Variants in CTNNA3 observed in about 807,000 individuals in gnomAD.
CTNNA3 encodes catenin alpha-3.
CTNNA3 carries 76 observed loss-of-function variants against 95.7 expected under a neutral mutation model. That is an observed-to-expected ratio of 0.79 (90% confidence interval 0.66 to 0.96). CTNNA3 has a LOEUF of 0.96. Among genes scored for constraint, CTNNA3 ranks in the 40% least tolerant of loss-of-function variants. CTNNA3 has a pLI of 0.00. For synonymous variants in CTNNA3, 431 were observed against 374.4 expected (o/e 1.15, Z -1.74); for missense variants, 1,191 against 1,089.8 (o/e 1.09, Z -1.31).
At chr10:66,033,068 T>G (rs2079481034) in intron 15 of CTNNA3, among the ~76,000 whole-genome samples, 1 of 152,150 alleles carries the variant, frequency 6.6e-6, no homozygotes, top group African/African-American at 2.4e-5. Context: ...TAGGCCTAGT[T>G]CAAGTGCTCC....
chr10:67,354,952 A>G (rs1381505911), intron 5 of CTNNA3, among the ~76,000 whole-genome samples: 2 of 151,996 alleles, frequency 1.3e-5, no homozygotes, highest in African/African-American at 2.4e-5. Context: ...TGTAGGTGAT[A>G]ATGCAAGACC....
chr10:67,757,987 C>T (rs1416465028), intron 1 of CTNNA3, among the ~76,000 whole-genome samples: 1 of 152,098 alleles, frequency 6.6e-6, no homozygotes, highest in Non-Finnish European at 1.5e-5. Flanking sequence ...CATCAGTAGA[C>T]TGAGTAAAGA....
chr10:66,309,829 G>A (rs2132255216), intron 12 of CTNNA3, among the ~76,000 whole-genome samples: 1 of 151,118 alleles, frequency 6.6e-6, no homozygotes, highest in African/African-American at 2.4e-5. Context: ...GGAGGCCAAG[G>A]TGGGCGGATC....
chr10:67,743,617 C>T (rs1841356327), intron 1 of CTNNA3, among the ~76,000 whole-genome samples: 1 of 151,312 alleles, frequency 6.6e-6, no homozygotes, highest in African/African-American at 2.4e-5. Context: ...TCTCTCACTA[C>T]TCCTATTCAA....
intron 7 of CTNNA3, among the ~76,000 whole-genome samples, chr10:66,818,785 A>G (rs2132284925): frequency 6.6e-6 from 1 of 152,068 alleles, no homozygotes; most frequent in South Asian, 2.1e-4. Context: ...AAAGCAAGGG[A>G]CTCGGAATAC....
chr10:65,971,879 T>G (rs939976144), intron 16 of CTNNA3, among the ~76,000 whole-genome samples: 3 of 152,200 alleles, frequency 2.0e-5, no homozygotes, highest in South Asian at 2.1e-4. Context: ...GATACCAATA[T>G]CTCTGATAAA....
chr10:66,543,672 T>G (rs1841937731), intron 10 of CTNNA3, among the ~76,000 whole-genome samples: 1 of 151,396 alleles, frequency 6.6e-6, no homozygotes, highest in Non-Finnish European at 1.5e-5. Context: ...GTAGAAAAAA[T>G]GAAGCTCTCT....
chr10:66,467,531 C>T (rs77194014), intron 11 of CTNNA3, among the ~76,000 whole-genome samples: 9,359 of 152,018 alleles, frequency 0.062, 604 homozygotes, highest in African/African-American at 0.16. Flanking sequence ...GGTTTAAGAA[C>T]GGGCAAGTGC....
chr10:66,771,135 C>G (rs1202593903), intron 8 of CTNNA3, among the ~76,000 whole-genome samples: 1 of 152,102 alleles, frequency 6.6e-6, no homozygotes, highest in African/African-American at 2.4e-5. Context: ...TTCAGAAACT[C>G]AGCAACTAAA....
chr10:66,762,631 C>G (rs1312486144), intron 9 of CTNNA3, among the ~76,000 whole-genome samples: 1 of 151,658 alleles, frequency 6.6e-6, no homozygotes, highest in Non-Finnish European at 1.5e-5. Context: ...ATGTTCAGAC[C>G]AAATTCTTCG....
intron 1 of CTNNA3, among the ~76,000 whole-genome samples, chr10:67,692,113 A>G (rs1589570523): frequency 1.6e-5 from 2 of 128,802 alleles, no homozygotes; most frequent in Non-Finnish European, 1.6e-5. Flanking sequence ...TCCGGGAGGG[A>G]GGTGGGGGGT....
At chr10:67,725,850 G>A (rs1043857592) in intron 1 of CTNNA3, among the ~76,000 whole-genome samples, 4 of 147,086 alleles carry the variant, frequency 2.7e-5, no homozygotes, top group East Asian at 2.0e-4. Context: ...TTGTAAATAC[G>A]TAAGGTGTAC....
intron 7 of CTNNA3, chr10:67,097,764 C>A: frequency 6.2e-7 from 1 of 1,612,302 alleles, no homozygotes; most frequent in Non-Finnish European, 8.5e-7. Context: ...AACAGCTGGC[C>A]GAATCAGTGA....
chr10:66,054,699 T>C (rs2080039107), intron 15 of CTNNA3, among the ~76,000 whole-genome samples: 1 of 152,154 alleles, frequency 6.6e-6, no homozygotes, highest in Non-Finnish European at 1.5e-5. Context: ...ATGATTTCCT[T>C]TGCTGTGCAG....
intron 7 of CTNNA3, among the ~76,000 whole-genome samples, chr10:66,779,243 A>G (rs1344068095): frequency 6.6e-6 from 1 of 152,132 alleles, no homozygotes; most frequent in East Asian, 1.9e-4. Context: ...TATTCTCTGC[A>G]ATATGATTAC....
chr10:65,954,372 C>T (rs1245102271), intron 17 of CTNNA3, among the ~76,000 whole-genome samples: 1 of 152,186 alleles, frequency 6.6e-6, no homozygotes, highest in African/African-American at 2.4e-5. Context: ...TTTTGCTGTG[C>T]AGAAGCTCTT....
intron 5 of CTNNA3, among the ~76,000 whole-genome samples, chr10:67,290,513 T>A (rs80048364): frequency 2.6e-5 from 4 of 152,322 alleles, no homozygotes; most frequent in Non-Finnish European, 2.9e-5. Context: ...AACTTTTCTA[T>A]GTGCCAGGAT....
intron 12 of CTNNA3, among the ~76,000 whole-genome samples, chr10:66,298,609 C>T (rs916856166): frequency 6.6e-6 from 1 of 152,136 alleles, no homozygotes; most frequent in Non-Finnish European, 1.5e-5. Flanking sequence ...CACCATTTCC[C>T]TTTCGTGGAT....
At chr10:67,484,166 TC>T (rs1848356363) in intron 5 of CTNNA3, among the ~76,000 whole-genome samples, 1 of 151,806 alleles carries the variant, frequency 6.6e-6, no homozygotes, top group Non-Finnish European at 1.5e-5. Flanking sequence ...GAGCCCAGAA[TC>T]AAAGCTACAC....
Sources: gnomAD v4.1 joint callset for allele counts (sites outside exome capture counted in the v4.1 genomes callset) on GRCh38, gnomAD v4.1.1 for gene constraint, MANE v1.5 for transcripts, NCBI Gene and HGNC (gene_info 2026-07-23, HGNC 2026-07-21) for gene names.